MED27: variants seen among roughly 807,000 people sequenced by gnomAD.
The protein encoded by MED27 is mediator complex subunit 27, also known as mediator of RNA polymerase II transcription subunit 27.
Under a neutral mutation model 38.2 loss-of-function variants are expected in MED27, and 30 were observed. That is an observed-to-expected ratio of 0.79 (90% CI 0.59 to 1.07). MED27 has a LOEUF of 1.07. Ranked by LOEUF, MED27 falls within the 50% of genes least tolerant of loss-of-function variation. The probability of loss-of-function intolerance (pLI) is 0.00; values close to 1 mark genes in which losing one functional copy is unlikely to be tolerated. For synonymous variants in MED27, 122 were observed against 153.5 expected (o/e 0.79, Z 1.52); for missense variants, 289 against 397.5 (o/e 0.73, Z 2.32).
intron 3 of MED27, among the ~76,000 whole-genome samples, chr9:132,012,870 G>C (rs1420231687): frequency 6.6e-6 from 1 of 152,178 alleles, no homozygotes; most frequent in African/African-American, 2.4e-5. Context: ...TTGGGGCCTA[G>C]AAACATGCCT....
At chr9:132,049,562 C>T (rs970721676) in intron 2 of MED27, among the ~76,000 whole-genome samples, 1 of 152,196 alleles carries the variant, frequency 6.6e-6, no homozygotes, top group Non-Finnish European at 1.5e-5. Context: ...CCACACTCTC[C>T]TCTCAGCTCT....
intron 3 of MED27, among the ~76,000 whole-genome samples, chr9:131,988,309 G>A (rs1213210153): frequency 6.6e-6 from 1 of 152,088 alleles, no homozygotes. Flanking sequence ...TCTGGCTCTT[G>A]CCATTTGAAA....
chr9:132,024,067 C>G (rs1832769282), intron 2 of MED27, among the ~76,000 whole-genome samples: 1 of 152,110 alleles, frequency 6.6e-6, no homozygotes, highest in South Asian at 2.1e-4. Context: ...GCAGTGTGGC[C>G]CAATGCACAG....
intron 2 of MED27, among the ~76,000 whole-genome samples, chr9:132,027,420 T>C (rs1221757009): frequency 6.6e-6 from 1 of 152,194 alleles, no homozygotes; most frequent in Non-Finnish European, 1.5e-5. Flanking sequence ...TCCACCACAA[T>C]CAACTCCTCC....
chr9:131,899,857 T>G (rs191841486), intron 4 of MED27, among the ~76,000 whole-genome samples: 4 of 152,264 alleles, frequency 2.6e-5, no homozygotes, highest in Non-Finnish European at 4.4e-5. Flanking sequence ...TTTGATAGAC[T>G]GATAAAGAGA....
chr9:132,034,944 G>A (rs959728115), intron 2 of MED27, among the ~76,000 whole-genome samples: 1 of 152,042 alleles, frequency 6.6e-6, no homozygotes, highest in Admixed American at 6.6e-5. Context: ...TCAGTTCACC[G>A]GACCATACAT....
intron 4 of MED27, among the ~76,000 whole-genome samples, chr9:131,938,582 T>C (rs1830723989): frequency 1.3e-5 from 2 of 152,212 alleles, no homozygotes; most frequent in South Asian, 4.1e-4. Flanking sequence ...AAACATCTTC[T>C]AGGAGATTAT....
intron 6 of MED27, among the ~76,000 whole-genome samples, chr9:131,881,738 C>T (rs1034028581): frequency 6.7e-6 from 1 of 149,372 alleles, no homozygotes; most frequent in African/African-American, 2.4e-5. Flanking sequence ...TTGGATTTCA[C>T]CAGTTTTTCC....
chr9:131,936,233 C>A (rs1393492965), intron 4 of MED27, among the ~76,000 whole-genome samples: 1 of 152,142 alleles, frequency 6.6e-6, no homozygotes, highest in African/African-American at 2.4e-5. Context: ...ATGACCTGTC[C>A]TCAGAGACAA....
chr9:131,884,083 T>G lies in MED27; in HGVS notation c.698A>C (p.Lys233Thr), dbSNP rs1839095201. ...CTTCTGGAATACTTGATAGTTGGAT[T>G]TGGACCATATATCAAGCTGAGGGGA... is the stretch of plus-strand genomic sequence containing the variant. ...TEDGKLDIWS[K>T]SNYQVFQKVT... Residue 233 changes from lysine (K) to threonine (T), a missense_variant, in exon 6 of 8, where the codon AAA becomes ACA. Physicochemically the swap from Lys to Thr is moderately conservative, Grantham distance 78. Transcript: ENST00000292035. 1 of 1,611,302 alleles carries G rather than the reference T, an allele frequency of 6.2e-7. No homozygotes were observed. Among genetic ancestry groups the G allele is most frequent in the Admixed American group, 1.7e-5 (1 of 59,626 alleles).
chr9:131,912,544 AC>A (rs1486360874), intron 4 of MED27, among the ~76,000 whole-genome samples: 1 of 151,606 alleles, frequency 6.6e-6, no homozygotes, highest in African/African-American at 2.4e-5. Flanking sequence ...CCACTCCCTC[AC>A]CCCCGAGTCT....
At chr9:131,931,105 T>C (rs114656086) in intron 4 of MED27, among the ~76,000 whole-genome samples, 3,069 of 151,772 alleles carry the variant, frequency 0.02, 109 homozygotes, top group African/African-American at 0.069. Context: ...CTTAGCTGGG[T>C]GTGGTGGTGC....
At chr9:131,915,310 T>C (rs920233980) in intron 4 of MED27, among the ~76,000 whole-genome samples, 1 of 152,210 alleles carries the variant, frequency 6.6e-6, no homozygotes, top group Admixed American at 6.5e-5. Context: ...ACAAAGCATC[T>C]ACTCCAAAAT....
chr9:131,958,864 C>A (rs985999056), intron 3 of MED27, among the ~76,000 whole-genome samples: 4 of 152,194 alleles, frequency 2.6e-5, no homozygotes, highest in African/African-American at 9.6e-5. Flanking sequence ...TCAGAGATAG[C>A]TGGAGAGGAG....
chr9:131,986,999 ATT>A (rs66519112), intron 3 of MED27, among the ~76,000 whole-genome samples: 1,480 of 45,976 alleles, frequency 0.032, 18 homozygotes, highest in African/African-American at 0.12. Flanking sequence ...GAGTTCATGG[ATT>A]TTTTTTTTTT....
chr9:132,072,538 A>G (rs1833963391), intron 2 of MED27, among the ~76,000 whole-genome samples: 1 of 151,978 alleles, frequency 6.6e-6, no homozygotes, highest in African/African-American at 2.4e-5. Flanking sequence ...TCTTTTCACA[A>G]TGGCTCCCAC....
At chr9:132,035,005 G>A (rs141445524) in intron 2 of MED27, among the ~76,000 whole-genome samples, 14 of 152,212 alleles carry the variant, frequency 9.2e-5, no homozygotes, top group African/African-American at 2.4e-4. Context: ...GTATGTAAAC[G>A]GAAAAGACCA....
At chr9:131,944,044 C>A (rs2130974225) in intron 3 of MED27, among the ~76,000 whole-genome samples, 1 of 152,310 alleles carries the variant, frequency 6.6e-6, no homozygotes, top group Admixed American at 6.5e-5. Flanking sequence ...CACAACCCAA[C>A]CATCTCTTCC....
intron 2 of MED27, among the ~76,000 whole-genome samples, chr9:132,040,429 G>T (rs59344105): frequency 1.3e-5 from 2 of 152,176 alleles, no homozygotes; most frequent in Non-Finnish European, 2.9e-5. Flanking sequence ...CGTGGAGAGC[G>T]GCTGGCTGGT....
Sources: gnomAD v4.1 joint callset for allele counts (sites outside exome capture counted in the v4.1 genomes callset) on GRCh38, gnomAD v4.1.1 for gene constraint, MANE v1.5 for transcripts, NCBI Gene and HGNC (gene_info 2026-07-23, HGNC 2026-07-21) for gene names.